The following KALRN variants were observed in gnomAD, a reference collection of about 807,000 sequenced individuals.
KALRN encodes kalirin.
KALRN carries 70 observed loss-of-function variants against 353.7 expected under a neutral mutation model. The observed-to-expected ratio is 0.20, with a 90% CI of 0.16 to 0.24. KALRN has a LOEUF of 0.24. Ranked by LOEUF, KALRN falls within the 10% of genes least tolerant of loss-of-function variation. The probability of loss-of-function intolerance (pLI) is 1.00; values close to 1 mark genes in which losing one functional copy is unlikely to be tolerated. For synonymous variants in KALRN, 1,391 were observed against 1,434.8 expected (o/e 0.97, Z 0.69); for missense variants, 2,791 against 3,756.7 (o/e 0.74, Z 6.72).
chr3:124,715,453 C>T (rs2063093801), intron 58 of KALRN, among the ~76,000 whole-genome samples: 1 of 152,158 alleles, frequency 6.6e-6, no homozygotes. Flanking sequence ...GGCTAAGACT[C>T]TCTCACTTGG....
At chr3:124,221,627 CA>C (rs1209202343) in intron 1 of KALRN, among the ~76,000 whole-genome samples, 2 of 152,104 alleles carry the variant, frequency 1.3e-5, no homozygotes, top group African/African-American at 2.4e-5. Flanking sequence ...ACCAAGTAGC[CA>C]AATCAATATG....
intron 1 of KALRN, among the ~76,000 whole-genome samples, chr3:124,096,983 T>G (rs1456408773): frequency 6.6e-6 from 1 of 152,236 alleles, no homozygotes; most frequent in Non-Finnish European, 1.5e-5. Flanking sequence ...TATTTCTATC[T>G]ATAGGGTTTT....
At chr3:124,439,341 A>G (rs557976223) in intron 18 of KALRN, among the ~76,000 whole-genome samples, 1 of 152,216 alleles carries the variant, frequency 6.6e-6, no homozygotes, top group African/African-American at 2.4e-5. Flanking sequence ...CAAAGGGTGA[A>G]AGGTTACATT....
chr3:124,234,947 A>AG lies in KALRN; in HGVS notation c.263+8dup. The AG allele has an allele frequency of 6.3e-7, 1 of 1,586,534 alleles. No homozygotes were observed. Among genetic ancestry groups the AG allele is most frequent in the Non-Finnish European group, 8.6e-7 (1 of 1,163,676 alleles). ...CGTATTTGGCCAGCGTGCCAAGGTA[A>AG]GGGGAAGGGGAATGGCCTGCAGGGG... On this transcript the variant is annotated splice_donor_region_variant and intron_variant, in intron 3 of 59. Transcript: ENST00000682506.
chr3:124,683,205 GT>G (rs1239102626), intron 51 of KALRN, among the ~76,000 whole-genome samples: 1 of 152,138 alleles, frequency 6.6e-6, no homozygotes, highest in Admixed American at 6.5e-5. Context: ...ATTTTTTCCA[GT>G]AAGGTTAGAC....
intron 33 of KALRN, among the ~76,000 whole-genome samples, chr3:124,554,675 C>T (rs919766815): frequency 1.3e-5 from 2 of 152,020 alleles, no homozygotes; most frequent in African/African-American, 4.8e-5. Context: ...TTATTTTGGT[C>T]TCTGTTAGAG....
At chr3:124,066,833 C>CAA (rs2042402810) in intron 1 of KALRN, among the ~76,000 whole-genome samples, 2 of 152,078 alleles carry the variant, frequency 1.3e-5, no homozygotes, top group African/African-American at 4.8e-5. Context: ...AAACAGGAGC[C>CAA]CCTGGTTGAC....
At chr3:124,256,068 G>A (rs2071930854) in intron 3 of KALRN, among the ~76,000 whole-genome samples, 1 of 152,182 alleles carries the variant, frequency 6.6e-6, no homozygotes, top group Non-Finnish European at 1.5e-5. Context: ...ATAATGGGCG[G>A]TATGCAAGGT....
chr3:124,677,865 A>G (rs1419869457), intron 49 of KALRN, among the ~76,000 whole-genome samples: 1 of 152,218 alleles, frequency 6.6e-6, no homozygotes, highest in African/African-American at 2.4e-5. Context: ...CTCAAGAGGA[A>G]TTCCTCAGTC....
At chr3:124,629,279 C>T (rs137883234) in intron 34 of KALRN, among the ~76,000 whole-genome samples, 13 of 152,172 alleles carry the variant, frequency 8.5e-5, no homozygotes, top group Admixed American at 2.0e-4. Flanking sequence ...CTTTATATTC[C>T]CTGTGCACAG....
intron 45 of KALRN, among the ~76,000 whole-genome samples, 175 bp downstream of exon 45, chr3:124,662,103 A>T (rs1268234676): frequency 6.6e-6 from 1 of 151,868 alleles, no homozygotes; most frequent in Non-Finnish European, 1.5e-5. Flanking sequence ...TCTCTTTAGG[A>T]AGTCCAGCAG....
intron 1 of KALRN, among the ~76,000 whole-genome samples, chr3:124,227,663 GTTTTTTTTTTTTTTTTT>G (rs747087120): frequency 0.017 from 1,146 of 69,068 alleles, 33 homozygotes; most frequent in Non-Finnish European, 0.025. Context: ...CAACAGGGCT[GTTTTTTTTTTTTTTTTT>G]TTTTTTTTTT....
At chr3:124,051,158 A>G (rs2041002291) in intron 1 of KALRN, among the ~76,000 whole-genome samples, 1 of 152,192 alleles carries the variant, frequency 6.6e-6, no homozygotes, top group African/African-American at 2.4e-5. Flanking sequence ...TCCAGCAAGC[A>G]TGTAGTGAGC....
chr3:124,395,985 G>A (rs1367733989), intron 12 of KALRN, among the ~76,000 whole-genome samples: 1 of 152,052 alleles, frequency 6.6e-6, no homozygotes, highest in Non-Finnish European at 1.5e-5. Flanking sequence ...CCTTTCTATT[G>A]GCATCAATAT....
intron 6 of KALRN, among the ~76,000 whole-genome samples, chr3:124,299,550 C>T (rs2077101075): frequency 6.6e-6 from 1 of 152,146 alleles, no homozygotes; most frequent in Non-Finnish European, 1.5e-5. Context: ...AGATGCTGAA[C>T]ACTCAGAGAG....
intron 47 of KALRN, among the ~76,000 whole-genome samples, chr3:124,671,066 G>C (rs1239406391): frequency 6.6e-6 from 1 of 152,138 alleles, no homozygotes; most frequent in South Asian, 2.1e-4. Flanking sequence ...TAGACAAGAA[G>C]CCTTCTGTCT....
intron 15 of KALRN, among the ~76,000 whole-genome samples, chr3:124,427,274 A>G (rs552636164): frequency 1.3e-5 from 2 of 152,368 alleles, no homozygotes; most frequent in East Asian, 3.9e-4. Flanking sequence ...GAACATGTGC[A>G]GTCTCATAGA....
chr3:124,671,046 G>A (rs2086366376), intron 47 of KALRN, among the ~76,000 whole-genome samples: 1 of 152,086 alleles, frequency 6.6e-6, no homozygotes, highest in Admixed American at 6.6e-5. Context: ...CCATTCTGTG[G>A]CTTCTGAATT....
intron 35 of KALRN, 97 bp downstream of exon 35, chr3:124,632,800 A>G: frequency 8.7e-7 from 1 of 1,148,048 alleles, no homozygotes; most frequent in Non-Finnish European, 1.3e-6. Context: ...AATCTCCATT[A>G]GTGTGTTACC....
Sources: allele counts gnomAD v4.1 joint callset (sites outside exome capture counted in the v4.1 genomes callset), GRCh38; gene constraint gnomAD v4.1.1; transcripts MANE v1.5; gene names NCBI Gene and HGNC (gene_info 2026-07-23, HGNC 2026-07-21).